Variants in USP34 observed in about 807,000 individuals in gnomAD.
The protein encoded by USP34 is ubiquitin specific peptidase 34.
Under a neutral mutation model 460.3 loss-of-function variants are expected in USP34, and 70 were observed. The observed-to-expected ratio is 0.15, with a 90% CI of 0.13 to 0.19. USP34 has a LOEUF of 0.19. Ranked by LOEUF, USP34 falls within the 10% of genes least tolerant of loss-of-function variation. USP34 has a pLI of 1.00. For synonymous variants in USP34, 1,647 were observed against 1,405.3 expected, an observed-to-expected ratio of 1.17 and a Z score of -3.85; for missense variants, 3,985 against 4,236.2, an observed-to-expected ratio of 0.94 and a Z score of 1.65.
rs775058873 is a variant in USP34, at chr2:61,211,860, ATTC to A, written c.8749_8751del (p.Glu2917del). The A allele has an allele frequency of 3.1e-6, 5 of 1,610,490 alleles. No homozygotes were observed. Among genetic ancestry groups the A allele is most frequent in the East Asian group, 2.2e-5 (1 of 44,550 alleles). ...TTCTTGAACTGTTTAATATCTTCTA[ATTC>A]TTCTTCTCTCATATCTGGCCTCTGA... On this transcript the variant is annotated inframe_deletion, in exon 69 of 80. Coordinates refer to ENST00000398571, the MANE Select transcript of USP34 (RefSeq NM_014709.4).
At chr2:61,294,611 G>C (rs72813517) in intron 32 of USP34, among the ~76,000 whole-genome samples, 1 of 151,906 alleles carries the variant, frequency 6.6e-6, no homozygotes, top group Admixed American at 6.6e-5. Context: ...GTAGAGACAC[G>C]GGTTTTACCA....
intron 1 of USP34, among the ~76,000 whole-genome samples, chr2:61,435,631 G>T (rs1226366731): frequency 6.6e-6 from 1 of 152,088 alleles, no homozygotes; most frequent in African/African-American, 2.4e-5. Context: ...AGGAACAAAG[G>T]ATATATAATG....
In USP34 at chr2:61,378,380, T is replaced by C; in HGVS notation, c.1059A>G (p.Leu353=). The C allele has an allele frequency of 6.3e-7, 1 of 1,596,932 alleles. No individual in the cohort carries two copies. The highest frequency in any genetic ancestry group is 8.5e-7 in the Non-Finnish European group (1 of 1,173,610). ...TFNDVCNNES[L]VSDTETSIAK... is the part of the protein sequence containing the mutation. ...CTACTTACGTTTCTGTGTCCGATAC[T>C]AATGATTCATTATTGCACACATCAT... Residue 353 remains leucine (L), a synonymous_variant, in exon 8 of 80, where the codon TTA becomes TTG. Coordinates refer to ENST00000398571, the MANE Select transcript of USP34 (RefSeq NM_014709.4).
At chr2:61,363,966 T>C (rs1692351469) in intron 10 of USP34, among the ~76,000 whole-genome samples, 1 of 152,190 alleles carries the variant, frequency 6.6e-6, no homozygotes, top group African/African-American at 2.4e-5. Context: ...ACCTATAAAA[T>C]AACAACTTTG....
intron 72 of USP34, 38 bp downstream of exon 72, chr2:61,205,979 C>G (rs1311664379): frequency 6.8e-7 from 1 of 1,472,416 alleles, no homozygotes; most frequent in Non-Finnish European, 9.5e-7. Context: ...TGTTCTTCCA[C>G]TAGGTTTTTA....
At chr2:61,462,021 T>C (rs1265298423) in intron 1 of USP34, among the ~76,000 whole-genome samples, 2 of 147,314 alleles carry the variant, frequency 1.4e-5, no homozygotes, top group East Asian at 4.1e-4. Context: ...GGGCAGATCA[T>C]GAGGTCAGGA....
intron 1 of USP34, among the ~76,000 whole-genome samples, chr2:61,466,258 C>G (rs749320251): frequency 5.3e-5 from 8 of 151,934 alleles, no homozygotes; most frequent in East Asian, 1.9e-4. Context: ...AACCCCATCT[C>G]TACTAAAAAT....
In USP34 at chr2:61,430,183, C is replaced by A. The variant is rs184538271; in HGVS notation, c.44-9350G>T. The stretch of plus-strand genomic sequence containing the variant: ...TGAGCCAAGATCGTGCCACTGCACT[C>A]CCGCCTGGGCGACAGAGCGAGTCTT... On this transcript the variant is annotated intron_variant, in intron 1 of 79. Coordinates refer to ENST00000398571, the MANE Select transcript of USP34 (RefSeq NM_014709.4). Among the ~76,000 whole-genome samples, 7 of 151,264 alleles carry A rather than the reference C, an allele frequency of 4.6e-5. No homozygotes were observed. The East Asian group carries it at 1.2e-3, about 25-fold the overall frequency.
chr2:61,238,342 T>C (rs1402607724), intron 53 of USP34, among the ~76,000 whole-genome samples: 1 of 152,168 alleles, frequency 6.6e-6, no homozygotes. Context: ...ACATAATGTT[T>C]TGCCTGGCCC....
intron 27 of USP34, among the ~76,000 whole-genome samples, chr2:61,305,481 A>C (rs1690374435): frequency 6.6e-6 from 1 of 152,152 alleles, no homozygotes; most frequent in African/African-American, 2.4e-5. Flanking sequence ...ATCAACATCT[A>C]ACACTCACAC....
chr2:61,223,363 A>T, intron 62 of USP34, 67 bp from the exon 63 acceptor site: 1 of 1,456,770 alleles, frequency 6.9e-7, no homozygotes, highest in East Asian at 2.3e-5. Context: ...GATTTACAAC[A>T]TGTATCAAAA....
At chr2:61,245,913 T>A (rs988001722) in intron 50 of USP34, among the ~76,000 whole-genome samples, 10 of 152,070 alleles carry the variant, frequency 6.6e-5, no homozygotes, top group South Asian at 4.1e-4. Flanking sequence ...ACCATTAACT[T>A]GATAAAAGGA....
chr2:61,287,868 C>T (rs1294927815), intron 34 of USP34, among the ~76,000 whole-genome samples: 1 of 152,106 alleles, frequency 6.6e-6, no homozygotes, highest in Non-Finnish European at 1.5e-5. Context: ...CTCTATTTTT[C>T]AAGGGCCAAC....
chr2:61,340,179 AT>A (rs1170846343), intron 16 of USP34, among the ~76,000 whole-genome samples: 1 of 150,874 alleles, frequency 6.6e-6, no homozygotes, highest in Non-Finnish European at 1.5e-5. Flanking sequence ...TAAATGACCT[AT>A]ATAATCTTTT....
At chr2:61,407,162 G>A (rs567862630) in intron 2 of USP34, among the ~76,000 whole-genome samples, 4 of 152,208 alleles carry the variant, frequency 2.6e-5, no homozygotes, top group Non-Finnish European at 4.4e-5. Context: ...AAGGTGGGAG[G>A]ATCGCTTAAG....
chr2:61,446,004 T>C (rs963822643), intron 1 of USP34, among the ~76,000 whole-genome samples: 10 of 148,844 alleles, frequency 6.7e-5, no homozygotes, highest in African/African-American at 1.7e-4. Context: ...TCCCAGCCAC[T>C]CAGGAGGCTG....
At chr2:61,376,077 G>C (rs1158724579) in intron 8 of USP34, among the ~76,000 whole-genome samples, 1 of 151,670 alleles carries the variant, frequency 6.6e-6, no homozygotes, top group Non-Finnish European at 1.5e-5. Context: ...GCTACAAATG[G>C]GCAAAAGACA....
intron 10 of USP34, among the ~76,000 whole-genome samples, chr2:61,355,709 T>C (rs1157511999): frequency 6.6e-6 from 1 of 151,960 alleles, no homozygotes; most frequent in Non-Finnish European, 1.5e-5. Flanking sequence ...AGAAAAACAC[T>C]ACAAGACATA....
chr2:61,259,690 C>T, intron 44 of USP34, 21 bp downstream of exon 44: 3 of 1,609,952 alleles, frequency 1.9e-6, no homozygotes, highest in South Asian at 1.1e-5. Context: ...CTGGCCTAGC[C>T]TCCATGATTC....
Sources: gnomAD v4.1 joint callset for allele counts (sites outside exome capture counted in the v4.1 genomes callset) on GRCh38, gnomAD v4.1.1 for gene constraint, MANE v1.5 for transcripts, NCBI Gene and HGNC (gene_info 2026-07-23, HGNC 2026-07-21) for gene names.